The following SCAF11 variants were observed in gnomAD, a reference collection of about 807,000 sequenced individuals.
SCAF11 encodes SR-related CTD associated factor 11, also known as protein SCAF11.
In SCAF11, 47 loss-of-function variants were observed where a neutral mutation model predicts 140.5. That is an observed-to-expected ratio of 0.33 (90% CI 0.26 to 0.43). The LOEUF (loss-of-function observed/expected upper bound fraction) is 0.43, where lower values mean the gene tolerates loss of function less well. Among genes scored for constraint, SCAF11 ranks in the 20% least tolerant of loss-of-function variants. The probability of loss-of-function intolerance (pLI) is 1.00; values close to 1 mark genes in which losing one functional copy is unlikely to be tolerated. For missense variants in SCAF11, 1,645 were observed against 1,705.1 expected (o/e 0.96, Z 0.62); for synonymous variants, 557 against 579.4 (o/e 0.96, Z 0.55).
In SCAF11 at chr12:45,928,841, T is replaced by C. The variant is rs1944969285; in HGVS notation, c.860A>G (p.Tyr287Cys). 6.4e-7 allele frequency: 1 copy of C among 1,569,202 alleles called. No individual in the cohort carries two copies. Among genetic ancestry groups the C allele is most frequent in the East Asian group, 2.3e-5 (1 of 43,954 alleles). ...FEHFGTSCKG[Y>C]ALAHTQEGEE... ...CCCTTCTTGAGTATGTGCTAATGCA[T>C]ATCCCTTGCAAGAAGTACCTAATAA... Residue 287 changes from tyrosine to cysteine, a missense_variant, in exon 11 of 15, where the codon TAT (tyrosine) becomes TGT (cysteine). Tyr to Cys is a radical substitution (Grantham distance 194). Transcript: ENST00000369367.
At chr12:45,991,582 T>G (rs1946612356), upstream of SCAF11, among the ~76,000 whole-genome samples, 1 of 152,102 alleles carries the variant, frequency 6.6e-6, no homozygotes, top group Non-Finnish European at 1.5e-5. Flanking sequence ...AAAAACTTTA[T>G]CATTATTTAC....
At chr12:45,954,208 A>G (rs1945619811) in intron 3 of SCAF11, among the ~76,000 whole-genome samples, 1 of 151,956 alleles carries the variant, frequency 6.6e-6, no homozygotes, top group African/African-American at 2.4e-5. Context: ...GCTAAATTGC[A>G]TTTTTTCCTT....
chr12:45,956,260 G>A (rs1945690666), intron 3 of SCAF11: 1 of 675,824 alleles, frequency 1.5e-6, no homozygotes, highest in Non-Finnish European at 2.7e-6. Context: ...TATGTTTATA[G>A]GTAGGTTTGC....
intron 6 of SCAF11, among the ~76,000 whole-genome samples, chr12:45,935,568 A>G (rs1945153170): frequency 6.6e-6 from 1 of 152,216 alleles, no homozygotes; most frequent in Admixed American, 6.5e-5. Flanking sequence ...TTGCTGTGCT[A>G]TACCTACATA....
intron 1 of SCAF11, among the ~76,000 whole-genome samples, chr12:45,969,113 C>G (rs751026293): frequency 1.6e-4 from 24 of 152,136 alleles, no homozygotes; most frequent in Non-Finnish European, 2.6e-4. Flanking sequence ...TGCTACTGTA[C>G]AGCTATTTAA....
upstream of SCAF11, chr12:45,991,772 G>T: frequency 2.7e-6 from 2 of 736,112 alleles, no homozygotes; most frequent in Non-Finnish European, 1.8e-6. Flanking sequence ...CGGTTGCTCT[G>T]CCTGCCCTCA....
At chr12:45,944,421 C>A (rs958929930) in intron 6 of SCAF11, among the ~76,000 whole-genome samples, 7 of 152,082 alleles carry the variant, frequency 4.6e-5, no homozygotes, top group Non-Finnish European at 7.4e-5. Context: ...ACAAAGCCAA[C>A]AAAAAACCAA....
chr12:45,923,716 T>C (rs1247861567), intron 12 of SCAF11, among the ~76,000 whole-genome samples: 1 of 152,312 alleles, frequency 6.6e-6, no homozygotes, highest in Admixed American at 6.5e-5. Context: ...GAAGTCTCAC[T>C]CTGTCTCCCA....
chr12:45,942,576 C>T (rs1407993430), intron 6 of SCAF11, among the ~76,000 whole-genome samples: 2 of 152,172 alleles, frequency 1.3e-5, no homozygotes, highest in African/African-American at 2.4e-5. Flanking sequence ...ATTCTAGCCA[C>T]ACTAACTTCC....
At chr12:45,939,367 A>G (rs536337979) in intron 6 of SCAF11, among the ~76,000 whole-genome samples, 1 of 152,312 alleles carries the variant, frequency 6.6e-6, no homozygotes, top group East Asian at 1.9e-4. Context: ...ATGTTTAAAG[A>G]ACAGTCCCAT....
intron 2 of SCAF11, among the ~76,000 whole-genome samples, chr12:45,963,534 TA>T (rs906175855): frequency 1.3e-5 from 2 of 152,098 alleles, no homozygotes; most frequent in African/African-American, 4.8e-5. Context: ...TAAAATAGAT[TA>T]AAAAAATTCA....
At chr12:45,935,578 AGT>A (rs1945153636) in intron 6 of SCAF11, among the ~76,000 whole-genome samples, 1 of 152,326 alleles carries the variant, frequency 6.6e-6, no homozygotes, top group East Asian at 1.9e-4. Flanking sequence ...ATACCTACAT[AGT>A]GTCTTTTATG....
rs1946568984 is a variant in SCAF11, at chr12:45,990,388, G to GC, written c.-58dup. 8.1e-7 allele frequency: 1 copy of GC among 1,232,546 alleles called. No individual in the cohort carries two copies. Among genetic ancestry groups the GC allele is most frequent in the Non-Finnish European group, 1.0e-6 (1 of 988,694 alleles). 76.4% of individuals were successfully genotyped at this position (1,232,546 alleles called of 1,614,324 possible). ...GGTCGAGGCGCTCGGTCCGGCCGCG[G>GC]CCCCACAGTAGGTTCCCAGGTCCCA... is the stretch of plus-strand genomic sequence containing the variant. On this transcript the variant is annotated 5_prime_UTR_variant, in exon 1 of 15. Transcript: ENST00000369367.
chr12:45,974,309 G>A, intron 1 of SCAF11: 1 of 451,816 alleles, frequency 2.2e-6, no homozygotes, highest in Non-Finnish European at 4.5e-6. Context: ...GATGGTAGTT[G>A]CTGAAGGGCA....
intron 1 of SCAF11, among the ~76,000 whole-genome samples, chr12:45,968,464 T>C (rs1181244454): frequency 1.3e-5 from 2 of 152,160 alleles, no homozygotes; most frequent in African/African-American, 2.4e-5. Context: ...ATATAATAAT[T>C]GGGGAAGAAT....
At chr12:45,989,543 C>G (rs1249028458) in intron 1 of SCAF11, among the ~76,000 whole-genome samples, 1 of 152,188 alleles carries the variant, frequency 6.6e-6, no homozygotes, top group Non-Finnish European at 1.5e-5. Context: ...CTAAATCAGG[C>G]GTCTACTTTT....
At position 45,927,809 on chromosome 12, in the gene SCAF11, T is replaced by C. The variant is rs1944925041; in HGVS notation, c.1892A>G (p.Glu631Gly). Residue 631 changes from glutamate (E) to glycine (G), a missense_variant, in exon 11 of 15, where the codon GAG becomes GGG. By Grantham distance (98) the Glu-to-Gly change is moderately conservative. Transcript: ENST00000369367. Reference protein sequence around the residue: ...TVDRQSVKSPEVQLLGHVETE... With the variant: ...TVDRQSVKSPGVQLLGHVETE... The stretch of plus-strand genomic sequence containing the variant: ...TTCAACATGCCCAAGCAATTGAACC[T>C]CTGGGCTCTTAACAGATTGTCTGTC... 1 of 1,613,908 alleles carries C rather than the reference T, an allele frequency of 6.2e-7. No individual in the cohort carries two copies. The highest frequency in any genetic ancestry group is 1.3e-5 in the African/African-American group (1 of 75,036).
chr12:45,960,657 A>G (rs912217514), intron 3 of SCAF11: 3 of 152,216 alleles, frequency 2.0e-5, no homozygotes, highest in Non-Finnish European at 4.4e-5. Flanking sequence ...AAAATAGTTT[A>G]TATGTATACT....
intron 8 of SCAF11, among the ~76,000 whole-genome samples, chr12:45,933,654 C>A (rs1445676991): frequency 6.6e-6 from 1 of 152,060 alleles, no homozygotes; most frequent in African/African-American, 2.4e-5. Flanking sequence ...TTTTCAAAAG[C>A]CTACTTAGAC....
Sources: gnomAD v4.1 joint callset for allele counts (sites outside exome capture counted in the v4.1 genomes callset) on GRCh38, gnomAD v4.1.1 for gene constraint, MANE v1.5 for transcripts, NCBI Gene and HGNC (gene_info 2026-07-23, HGNC 2026-07-21) for gene names.